The following ENTREP2 variants were observed in gnomAD, a reference collection of about 807,000 sequenced individuals.
ENTREP2 encodes endosomal transmembrane epsin interactor 2.
the ENTREP2 span, among the ~76,000 whole-genome samples, chr15:29,557,311 C>T: frequency 1.3e-5 from 2 of 152,192 alleles, no homozygotes; most frequent in African/African-American, 4.8e-5. Context: ...GACTCTCCCT[C>T]AGGGAGCAGC....
chr15:29,491,167 C>T, the ENTREP2 span, among the ~76,000 whole-genome samples: 14 of 152,298 alleles, frequency 9.2e-5, no homozygotes, highest in African/African-American at 2.9e-4. Context: ...TTGGCCACTC[C>T]GAGTGTGGGG....
chr15:29,235,285 T>C, the ENTREP2 span: 4 of 479,288 alleles, frequency 8.3e-6, no homozygotes, highest in Non-Finnish European at 1.5e-5. Context: ...TTAATAATGA[T>C]TGGTCCTGTT....
the ENTREP2 span, among the ~76,000 whole-genome samples, chr15:29,229,025 A>C: frequency 6.6e-6 from 1 of 152,164 alleles, no homozygotes; most frequent in Non-Finnish European, 1.5e-5. Flanking sequence ...GAATAAAGAA[A>C]TCTATGAAAA....
chr15:29,278,037 TAAC>T, the ENTREP2 span, among the ~76,000 whole-genome samples: 5 of 152,100 alleles, frequency 3.3e-5, no homozygotes, highest in East Asian at 9.6e-4. Context: ...TTGAGGGAGA[TAAC>T]AACCATAAAG....
the ENTREP2 span, among the ~76,000 whole-genome samples, chr15:29,254,007 AG>A: frequency 6.6e-6 from 1 of 152,064 alleles, no homozygotes; most frequent in Non-Finnish European, 1.5e-5. Flanking sequence ...AATGAACTCA[AG>A]GAAGTCTGTA....
the ENTREP2 span, among the ~76,000 whole-genome samples, chr15:29,160,037 T>C: frequency 3.3e-5 from 5 of 152,142 alleles, no homozygotes; most frequent in Admixed American, 3.3e-4. Flanking sequence ...GGCTCAGGCA[T>C]GGTAGGCTGC....
At chr15:29,392,041 G>C in the ENTREP2 span, among the ~76,000 whole-genome samples, 46 of 152,144 alleles carry the variant, frequency 3.0e-4, no homozygotes, top group Non-Finnish European at 5.3e-4. Flanking sequence ...TGTTAGCCAG[G>C]ATGGTCTCGA....
the ENTREP2 span, among the ~76,000 whole-genome samples, chr15:29,313,752 G>A: frequency 6.6e-6 from 1 of 152,176 alleles, no homozygotes; most frequent in East Asian, 1.9e-4. Flanking sequence ...TCACTTTCAA[G>A]TCTTATTATT....
the ENTREP2 span, among the ~76,000 whole-genome samples, chr15:29,176,462 T>C: frequency 1.6e-4 from 25 of 152,092 alleles, no homozygotes; most frequent in African/African-American, 5.1e-4. Context: ...AGGTCAGTAG[T>C]TGGAAGTGGG....
At chr15:29,351,498 T>C in the ENTREP2 span, among the ~76,000 whole-genome samples, 2 of 151,846 alleles carry the variant, frequency 1.3e-5, no homozygotes, top group African/African-American at 4.9e-5. Context: ...GCAAGATAAA[T>C]GTTTATACTC....
chr15:29,400,626 T>C, the ENTREP2 span, among the ~76,000 whole-genome samples: 1 of 152,166 alleles, frequency 6.6e-6, no homozygotes, highest in African/African-American at 2.4e-5. Flanking sequence ...AAAATATAAA[T>C]TAAAACATAA....
At chr15:29,318,203 C>T in the ENTREP2 span, among the ~76,000 whole-genome samples, 1 of 152,138 alleles carries the variant, frequency 6.6e-6, no homozygotes, top group South Asian at 2.1e-4. Flanking sequence ...TTGTGGCAAC[C>T]CTGCAAGGTG....
the ENTREP2 span, among the ~76,000 whole-genome samples, chr15:29,177,689 T>C: frequency 6.6e-6 from 1 of 152,074 alleles, no homozygotes; most frequent in African/African-American, 2.4e-5. Context: ...CAGAGCTGCC[T>C]GGGAAAGGTG....
At chr15:29,131,635 C>A in the ENTREP2 span, among the ~76,000 whole-genome samples, 1 of 200 alleles carries the variant, frequency 5.0e-3, no homozygotes, top group Non-Finnish European at 0.011. Flanking sequence ...CCCCATATCA[C>A]CTCCCCCTCT....
At chr15:29,666,897 G>C in the ENTREP2 span, among the ~76,000 whole-genome samples, 225 of 152,328 alleles carry the variant, frequency 1.5e-3, 3 homozygotes, top group Admixed American at 0.01. Context: ...CTCTGAGAAA[G>C]AATCTATCTT....
chr15:29,286,376 T>A, the ENTREP2 span, among the ~76,000 whole-genome samples: 1 of 152,192 alleles, frequency 6.6e-6, no homozygotes, highest in African/African-American at 2.4e-5. Flanking sequence ...TATTTTCCAA[T>A]AACAAAATAG....
At chr15:29,333,737 A>G in the ENTREP2 span, among the ~76,000 whole-genome samples, 1 of 152,120 alleles carries the variant, frequency 6.6e-6, no homozygotes, top group South Asian at 2.1e-4. Flanking sequence ...ATTCACAGAA[A>G]TTCCTAACCT....
chr15:29,508,470 C>G, the ENTREP2 span, among the ~76,000 whole-genome samples: 1 of 152,188 alleles, frequency 6.6e-6, no homozygotes, highest in Non-Finnish European at 1.5e-5. Context: ...AGGCCAACAT[C>G]CCTGATGAAC....
chr15:29,291,922 A>G, the ENTREP2 span, among the ~76,000 whole-genome samples: 1 of 152,054 alleles, frequency 6.6e-6, no homozygotes, highest in African/African-American at 2.4e-5. Context: ...AAAGGAAAAT[A>G]TTATTATTAC....
Sources: gnomAD v4.1 joint callset for allele counts (sites outside exome capture counted in the v4.1 genomes callset) on GRCh38, gnomAD v4.1.1 for gene constraint, MANE v1.5 for transcripts, NCBI Gene and HGNC (gene_info 2026-07-23, HGNC 2026-07-21) for gene names.